CDH6: variants seen among roughly 807,000 people sequenced by gnomAD.
CDH6 encodes cadherin 6.
CDH6 carries 31 observed loss-of-function variants against 78.0 expected under a neutral mutation model. The ratio of observed to expected loss-of-function variants is 0.40; its 90% CI spans 0.30 to 0.54. CDH6 has a LOEUF of 0.54. Ranked by LOEUF, CDH6 falls within the 20% of genes least tolerant of loss-of-function variation. CDH6 has a pLI of 0.56. For synonymous variants in CDH6, 376 were observed against 368.8 expected, an observed-to-expected ratio of 1.02 and a Z score of -0.23; for missense variants, 724 against 975.9, an observed-to-expected ratio of 0.74 and a Z score of 3.44.
At chr5:31,269,646 T>C (rs1391922143) in intron 2 of CDH6, among the ~76,000 whole-genome samples, 1 of 152,230 alleles carries the variant, frequency 6.6e-6, no homozygotes, top group Non-Finnish European at 1.5e-5. Context: ...GTGCAACACA[T>C]TGAAGTGGCA....
At chr5:31,211,455 T>G (rs987991782) in intron 1 of CDH6, among the ~76,000 whole-genome samples, 2 of 152,206 alleles carry the variant, frequency 1.3e-5, no homozygotes, top group African/African-American at 4.8e-5. Flanking sequence ...TTTTTCTTTC[T>G]TACTATAAAT....
intron 1 of CDH6, among the ~76,000 whole-genome samples, chr5:31,227,681 C>G (rs1014935728): frequency 4.6e-5 from 7 of 152,086 alleles, no homozygotes; most frequent in African/African-American, 1.7e-4. Flanking sequence ...CAATTTTATT[C>G]TGTAAAGAAT....
At chr5:31,286,894 G>A (rs1473953173) in intron 2 of CDH6, among the ~76,000 whole-genome samples, 2 of 152,148 alleles carry the variant, frequency 1.3e-5, no homozygotes, top group African/African-American at 2.4e-5. Flanking sequence ...ATAAGAGGTA[G>A]AATTGACTAG....
At chr5:31,235,236 CTTTT>C (rs543675071) in intron 1 of CDH6, among the ~76,000 whole-genome samples, 2 of 110,638 alleles carry the variant, frequency 1.8e-5, no homozygotes, top group African/African-American at 3.4e-5. Flanking sequence ...ATTCCTTTTT[CTTTT>C]TTTTTTTTTT....
intron 7 of CDH6, among the ~76,000 whole-genome samples, chr5:31,305,971 T>C (rs1355632775): frequency 2.6e-5 from 4 of 152,210 alleles, no homozygotes; most frequent in African/African-American, 9.6e-5. Flanking sequence ...GAAAACAAGC[T>C]ATAAGGAGTT....
rs1737521018 is a variant in CDH6 at position 31,294,386 on chromosome 5, T to C, written c.523+130T>C. 3 of 706,760 alleles carry C rather than the reference T, an allele frequency of 4.2e-6. No homozygotes were observed. Among genetic ancestry groups the C allele is most frequent in the Non-Finnish European group, 7.4e-6 (3 of 406,992 alleles). 43.8% of individuals were successfully genotyped at this position (706,760 alleles called of 1,614,324 possible). A position where few individuals can be genotyped will look rare whatever the true frequency, so the allele number is the denominator to read the frequency against. On this transcript the variant is annotated intron_variant, in intron 3 of 11. Transcript: ENST00000265071. This position sits in a 1 kb window ranked among gnomAD's most constrained non-coding sequence, Gnocchi z 4.1. Reference sequence around the variant, plus strand: ...TAACTTCTTCAATCCATGTATGTCCTTTCTGTAAGTGCATATGTTTCCTAA... The same window carrying C: ...TAACTTCTTCAATCCATGTATGTCCCTTCTGTAAGTGCATATGTTTCCTAA...
chr5:31,200,757 C>T (rs1265273011), intron 1 of CDH6, among the ~76,000 whole-genome samples: 1 of 151,816 alleles, frequency 6.6e-6, no homozygotes, highest in African/African-American at 2.4e-5. Flanking sequence ...AAGAAACCCT[C>T]TTAATACAGT....
chr5:31,269,869 CAT>C (rs1442143426), intron 2 of CDH6, among the ~76,000 whole-genome samples: 1 of 152,060 alleles, frequency 6.6e-6, no homozygotes, highest in African/African-American at 2.4e-5. Context: ...AGTTATAACA[CAT>C]GAGATATTTG....
At chr5:31,268,862 G>A (rs912334516) in intron 2 of CDH6, among the ~76,000 whole-genome samples, 10 of 152,152 alleles carry the variant, frequency 6.6e-5, no homozygotes, top group Non-Finnish European at 4.4e-5. Flanking sequence ...TTGGGCTGAT[G>A]TAACCAGGAA....
intron 1 of CDH6, among the ~76,000 whole-genome samples, chr5:31,238,792 A>G (rs116653575): frequency 0.022 from 3,397 of 152,318 alleles, 131 homozygotes; most frequent in African/African-American, 0.078. Flanking sequence ...ACTGGACAAC[A>G]TAGCTCTGGA....
chr5:31,278,132 C>T (rs1011746399), intron 2 of CDH6, among the ~76,000 whole-genome samples: 7 of 152,090 alleles, frequency 4.6e-5, no homozygotes, highest in Non-Finnish European at 1.0e-4. Context: ...TTGATTGATG[C>T]AATGGTTTGA....
Position 31,228,381 on chromosome 5 carries a change from C to T in CDH6, c.-129+34495C>T, listed in dbSNP as rs541584484. Among the ~76,000 whole-genome samples, 11 of 152,280 alleles carry T rather than the reference C, an allele frequency of 7.2e-5. 1 individual carries two copies. Among genetic ancestry groups the T allele is most frequent in the African/African-American group, 2.2e-4 (9 of 41,558 alleles). ...CTTTGTTCTGCCTGCTGCAGATCCC[C>T]AGTGCCAAGGTTCAGGAAGTGAATC... On this transcript the variant is annotated intron_variant, in intron 1 of 11. Transcript: ENST00000265071.
chr5:31,317,991 T>G, intron 11 of CDH6, 67 bp downstream of exon 11: 1 of 1,562,070 alleles, frequency 6.4e-7, no homozygotes, highest in Non-Finnish European at 8.7e-7. Flanking sequence ...TGTGACACTC[T>G]AGATTTATCT....
At chr5:31,305,477 T>C in intron 7 of CDH6, 50 bp downstream of exon 7, 2 of 1,550,492 alleles carry the variant, frequency 1.3e-6, no homozygotes, top group Non-Finnish European at 1.8e-6. Context: ...AGTCAATTTA[T>C]ATTCAAATAT....
At chr5:31,302,886 GGAAAGAAAGAAAGAAAAAAAGAAAGAAA>G (rs1737838987) in intron 6 of CDH6, among the ~76,000 whole-genome samples, 1 of 64,322 alleles carries the variant, frequency 1.6e-5, no homozygotes, top group Non-Finnish European at 3.1e-5. Context: ...AAGGAAGGAA[GGAAAGAAAGAAAGAAAAAAAGAAAGAAA>G]GAAAGAAAGA....
intron 1 of CDH6, among the ~76,000 whole-genome samples, chr5:31,235,873 A>G (rs1422703198): frequency 1.3e-5 from 2 of 152,132 alleles, no homozygotes; most frequent in African/African-American, 2.4e-5. Flanking sequence ...AATTTTTACA[A>G]TTTTTCTTTT....
intron 1 of CDH6, among the ~76,000 whole-genome samples, chr5:31,209,049 A>G (rs1258017352): frequency 6.6e-6 from 1 of 152,202 alleles, no homozygotes; most frequent in African/African-American, 2.4e-5. Context: ...GGTCTGGATG[A>G]TTTCCCTTAT....
intron 1 of CDH6, among the ~76,000 whole-genome samples, chr5:31,196,850 A>G (rs1415008182): frequency 6.6e-6 from 1 of 152,172 alleles, no homozygotes; most frequent in Non-Finnish European, 1.5e-5. Flanking sequence ...AGATTTTCTT[A>G]TTTCTGATCT....
intron 1 of CDH6, among the ~76,000 whole-genome samples, chr5:31,198,466 A>C (rs1003143821): frequency 3.9e-5 from 6 of 152,180 alleles, no homozygotes; most frequent in Non-Finnish European, 8.8e-5. Context: ...ACTTATGAAG[A>C]AGATGAGGCA....
Sources: allele counts gnomAD v4.1 joint callset (sites outside exome capture counted in the v4.1 genomes callset), GRCh38; gene constraint gnomAD v4.1.1; non-coding constraint Gnocchi (gnomAD v3.1); transcripts MANE v1.5; gene names NCBI Gene and HGNC (gene_info 2026-07-23, HGNC 2026-07-21).